The following PNKD variants were observed in gnomAD, a reference collection of about 807,000 sequenced individuals.
PNKD encodes probable thioesterase PNKD.
A neutral mutation model predicts 45.3 loss-of-function variants in PNKD; 36 were observed. The observed-to-expected ratio is 0.80, with a 90% CI of 0.61 to 1.05. PNKD has a LOEUF of 1.05. Ranked by LOEUF, PNKD falls within the 50% of genes least tolerant of loss-of-function variation. PNKD has a pLI of 0.00. For missense variants in PNKD, 511 were observed against 506.6 expected, an observed-to-expected ratio of 1.01 and a Z score of -0.08; for synonymous variants, 197 against 210.1, an observed-to-expected ratio of 0.94 and a Z score of 0.54.
At chr2:218,315,720 C>T (rs1026372486) in intron 2 of PNKD, among the ~76,000 whole-genome samples, 18 of 152,112 alleles carry the variant, frequency 1.2e-4, no homozygotes, top group African/African-American at 2.9e-4. Flanking sequence ...CCCTTTAATT[C>T]GGGTAGAATT....
chr2:218,341,258 C>A (rs574514018), intron 5 of PNKD, among the ~76,000 whole-genome samples: 76 of 152,228 alleles, frequency 5.0e-4, no homozygotes, highest in Middle Eastern at 3.4e-3. Context: ...GATGGGAGGC[C>A]CAGGCACGGT....
intron 2 of PNKD, among the ~76,000 whole-genome samples, chr2:218,325,200 T>TTTA (rs1277390517): frequency 7.1e-5 from 7 of 98,788 alleles, no homozygotes; most frequent in Non-Finnish European, 1.4e-4. Context: ...CACCCGGCCT[T>TTTA]TTTTTTTTTT....
intron 2 of PNKD, chr2:218,280,002 C>G (rs769050310): frequency 1.7e-5 from 27 of 1,605,788 alleles, no homozygotes; most frequent in Middle Eastern, 1.7e-4. Flanking sequence ...CCCAGGTACA[C>G]CCACCTCCCA....
In PNKD at chr2:218,340,908, T is replaced by A. The variant is rs1694654811; in HGVS notation, c.524+122T>A. 2 of 799,688 alleles carry A rather than the reference T, an allele frequency of 2.5e-6. No individual in the cohort carries two copies. The highest frequency in any genetic ancestry group is 1.8e-5 in the Admixed American group (1 of 55,168). 49.5% of individuals were successfully genotyped at this position (799,688 alleles called of 1,614,324 possible). ...CAGTACGGGCCGGCACCCGCCTTCC[T>A]CGTGAAGTCACCTGGACACCAGCAG... On this transcript the variant is annotated intron_variant, in intron 5 of 9. Coordinates refer to ENST00000273077, the MANE Select transcript of PNKD (RefSeq NM_015488.5). The surrounding 1 kb of genome is among the most constrained non-coding windows in gnomAD (Gnocchi z 4.2).
At chr2:218,333,527 T>C (rs1375988043) in intron 2 of PNKD, among the ~76,000 whole-genome samples, 1 of 152,216 alleles carries the variant, frequency 6.6e-6, no homozygotes, top group African/African-American at 2.4e-5. Context: ...CTGAGTGCTT[T>C]ACATTAGTTT....
At position 218,270,602 on chromosome 2, in the gene PNKD, G is replaced by A. The variant is rs901028645; in HGVS notation, c.67G>A (p.Gly23Arg). The change falls in exon 1 of 10, where the codon GGG becomes AGG. Residue 23 changes from glycine to arginine, a missense_variant and splice_region_variant. Gly to Arg is a moderately radical substitution (Grantham distance 125). Coordinates refer to ENST00000273077, the MANE Select transcript of PNKD (RefSeq NM_015488.5). ...RGARNARVLR[G>R]ILAGATANKA... ...GGCGAGAAATGCCCGCGTCCTCCGG[G>A]GTAAGGAGAGGGACCCCGGGGAGGG... 1.5e-5 allele frequency: 15 copies of A among 984,390 alleles called. No individual in the cohort carries two copies. The highest frequency in any genetic ancestry group is 2.0e-5 in the Non-Finnish European group (15 of 735,720). The allele number at this position is 984,390 out of a possible 1,614,324, so 61.0% of individuals were successfully genotyped here.
In PNKD at chr2:218,288,982, T is replaced by C. The variant is rs1220514257; in HGVS notation, c.236+17433T>C. 2.6e-5 allele frequency among the ~76,000 whole-genome samples: 4 copies of C among 152,088 alleles called. No homozygotes were observed. The East Asian group carries it at 5.8e-4, about 22-fold the overall frequency. On this transcript the variant is annotated intron_variant, in intron 2 of 9. Transcript: ENST00000273077. ...AATTCAGAAAAAAAGAGATCTAGGG[T>C]CCCACAGCAGGCAAACAGCAGAGAT... is the stretch of plus-strand genomic sequence containing the variant.
chr2:218,330,729 A>C (rs552489903), intron 2 of PNKD, among the ~76,000 whole-genome samples: 1 of 152,366 alleles, frequency 6.6e-6, no homozygotes, highest in African/African-American at 2.4e-5. Context: ...AAATCTAGGA[A>C]GAGGGAGGAG....
intron 2 of PNKD, among the ~76,000 whole-genome samples, chr2:218,296,671 TTTTCTTTCTTTC>T (rs888979453): frequency 2.7e-5 from 4 of 148,422 alleles, no homozygotes; most frequent in African/African-American, 1.1e-4. Flanking sequence ...CTGTTTTTCT[TTTTCTTTCTTTC>T]TTTCTTTCTT....
intron 2 of PNKD, among the ~76,000 whole-genome samples, chr2:218,320,438 C>A (rs2015863): frequency 1.2e-4 from 18 of 152,032 alleles, no homozygotes; most frequent in Non-Finnish European, 2.5e-4. Flanking sequence ...GCCTGTGGCT[C>A]ATGCCTGGAG....
intron 2 of PNKD, among the ~76,000 whole-genome samples, chr2:218,322,175 G>T (rs2106274064): frequency 6.6e-6 from 1 of 151,656 alleles, no homozygotes; most frequent in South Asian, 2.1e-4. Flanking sequence ...GCCCCCCTCG[G>T]CCTCCCAAAG....
chr2:218,293,775 G>GT (rs1693062043), intron 2 of PNKD, among the ~76,000 whole-genome samples: 1 of 90,264 alleles, frequency 1.1e-5, no homozygotes, highest in Non-Finnish European at 2.3e-5. Flanking sequence ...TGTTTGTTTT[G>GT]TTTGGTTTGT....
rs1299508544 is a variant in PNKD, at chr2:218,340,299, G to T, written c.465+158G>T. On this transcript the variant is annotated intron_variant, in intron 4 of 9. Coordinates refer to ENST00000273077, the MANE Select transcript of PNKD (RefSeq NM_015488.5). This position sits in a 1 kb window ranked among gnomAD's most constrained non-coding sequence, Gnocchi z 4.2. ...ACATGCGCACACATAGCCTGGGGAA[G>T]GGGGGTACAGGGCATGGCTGGGCAG... is the stretch of plus-strand genomic sequence containing the variant. Among the ~76,000 whole-genome samples, 2 of 152,136 alleles carry T rather than the reference G, an allele frequency of 1.3e-5. No individual in the cohort carries two copies. Among genetic ancestry groups the T allele is most frequent in the East Asian group, 3.9e-4 (2 of 5,174 alleles).
At chr2:218,328,642 C>G (rs1238658569) in intron 2 of PNKD, among the ~76,000 whole-genome samples, 2 of 152,216 alleles carry the variant, frequency 1.3e-5, no homozygotes, top group Non-Finnish European at 2.9e-5. Flanking sequence ...GCACCTCCCT[C>G]AAACCTTGTG....
At chr2:218,323,198 G>C (rs942539691) in intron 2 of PNKD, 13 of 1,387,172 alleles carry the variant, frequency 9.4e-6, no homozygotes, top group African/African-American at 3.1e-5. Flanking sequence ...GGTTCCCCGC[G>C]GGGGGCCGGG....
rs866670599 is a variant in PNKD, at chr2:218,323,170, G to A, written c.237-16613G>A. The stretch of plus-strand genomic sequence containing the variant: ...CGGGGCGGGGCCACAACGCCCCCAC[G>A]TCCAGAGCCGGCAGGCAGGTTCCCC... On this transcript the variant is annotated intron_variant, in intron 2 of 9. Coordinates refer to ENST00000273077, the MANE Select transcript of PNKD (RefSeq NM_015488.5). The A allele has an allele frequency of 2.9e-6, 4 of 1,369,030 alleles. No homozygotes were observed. The African/African-American group carries it at 4.6e-5, about 16-fold the overall frequency. 84.8% of individuals were successfully genotyped at this position (1,369,030 alleles called of 1,614,324 possible). A position where few individuals can be genotyped will look rare whatever the true frequency, so the allele number is the denominator to read the frequency against.
intron 2 of PNKD, among the ~76,000 whole-genome samples, chr2:218,324,090 T>G (rs1228774544): frequency 6.6e-6 from 1 of 152,048 alleles, no homozygotes; most frequent in Non-Finnish European, 1.5e-5. Flanking sequence ...CCGTCGACCC[T>G]CCCCCGCTCA....
intron 2 of PNKD, among the ~76,000 whole-genome samples, chr2:218,320,124 C>T (rs1321229906): frequency 6.6e-6 from 1 of 152,230 alleles, no homozygotes; most frequent in African/African-American, 2.4e-5. Context: ...AGGAGTCTGA[C>T]ATTTCAAAGA....
chr2:218,314,376 C>G (rs1309669809), intron 2 of PNKD, among the ~76,000 whole-genome samples: 1 of 151,878 alleles, frequency 6.6e-6, no homozygotes, highest in African/African-American at 2.4e-5. Context: ...CGTGTACCAC[C>G]AAGCCTGGCT....
Sources: gnomAD v4.1 joint callset for allele counts (sites outside exome capture counted in the v4.1 genomes callset) on GRCh38, gnomAD v4.1.1 for gene constraint, Gnocchi (gnomAD v3.1) non-coding constraint, MANE v1.5 for transcripts, NCBI Gene and HGNC (gene_info 2026-07-23, HGNC 2026-07-21) for gene names.